Variants in NRXN1 observed in about 807,000 individuals in gnomAD.
The protein encoded by NRXN1 is neurexin 1, also known as neurexin-1.
A neutral mutation model predicts 150.9 loss-of-function variants in NRXN1; 39 were observed. The ratio of observed to expected loss-of-function variants is 0.26; its 90% confidence interval spans 0.20 to 0.34. The LOEUF (loss-of-function observed/expected upper bound fraction) is 0.34. Ranked by LOEUF, NRXN1 falls within the 10% of genes least tolerant of loss-of-function variation. The pLI is 1.00. For missense variants in NRXN1, 1,815 were observed against 1,949.9 expected (o/e 0.93, Z 1.30); for synonymous variants, 924 against 757.0 (o/e 1.22, Z -3.62).
At chr2:50,147,734 T>C (rs749578919) in intron 18 of NRXN1, among the ~76,000 whole-genome samples, 5 of 151,802 alleles carry the variant, frequency 3.3e-5, no homozygotes, top group Admixed American at 6.6e-5. Flanking sequence ...GGCTTAACCA[T>C]AGTTAAAACA....
chr2:50,254,016 A>G (rs1350734253), intron 17 of NRXN1, among the ~76,000 whole-genome samples: 2 of 151,926 alleles, frequency 1.3e-5, no homozygotes, highest in African/African-American at 4.8e-5. Context: ...TATCTCTAGG[A>G]GAATTCAGCT....
chr2:50,037,663 G>C (rs1325496061), intron 21 of NRXN1, among the ~76,000 whole-genome samples: 4 of 152,152 alleles, frequency 2.6e-5, no homozygotes, highest in Non-Finnish European at 5.9e-5. Flanking sequence ...TAATGCAAAA[G>C]AACTCAGCTC....
intron 8 of NRXN1, among the ~76,000 whole-genome samples, chr2:50,561,293 A>T (rs555744481): frequency 1.6e-4 from 24 of 152,356 alleles, no homozygotes; most frequent in African/African-American, 5.5e-4. Context: ...CCTGAGTTTC[A>T]TTAAATAGTT....
At chr2:50,936,903 A>G (rs1688639632) in intron 2 of NRXN1, among the ~76,000 whole-genome samples, 1 of 152,144 alleles carries the variant, frequency 6.6e-6, no homozygotes, top group South Asian at 2.1e-4. Context: ...AGGAACAAAA[A>G]ATACACTAAG....
chr2:50,391,599 T>C (rs1287588011), intron 17 of NRXN1, among the ~76,000 whole-genome samples: 3 of 152,158 alleles, frequency 2.0e-5, no homozygotes, highest in Non-Finnish European at 4.4e-5. Flanking sequence ...TGTTGGTTTT[T>C]GTCACAATGC....
At chr2:50,219,968 T>TATATAATATATATATTATATATTATA (rs1559115820) in intron 18 of NRXN1, among the ~76,000 whole-genome samples, 13 of 52,994 alleles carry the variant, frequency 2.5e-4, no homozygotes, top group African/African-American at 2.0e-3. Flanking sequence ...ATATATTATA[T>TATATAATATATATATTATATATTATA]ATATATAATA....
At chr2:50,660,389 G>A (rs929986291) in intron 5 of NRXN1, among the ~76,000 whole-genome samples, 25 of 151,916 alleles carry the variant, frequency 1.6e-4, no homozygotes, top group African/African-American at 4.6e-4. Context: ...TAACTAGAAG[G>A]AACATTAATT....
chr2:50,285,175 G>A (rs1369455024), intron 17 of NRXN1, among the ~76,000 whole-genome samples: 1 of 152,152 alleles, frequency 6.6e-6, no homozygotes, highest in Non-Finnish European at 1.5e-5. Flanking sequence ...AACAAACATG[G>A]TGTGCCCACT....
At chr2:50,516,368 T>C (rs1017848878) in intron 12 of NRXN1, among the ~76,000 whole-genome samples, 1 of 152,182 alleles carries the variant, frequency 6.6e-6, no homozygotes, top group Non-Finnish European at 1.5e-5. Context: ...TTTAGGAGTA[T>C]AAGTTTTGTG....
At chr2:50,545,966 A>C (rs1374066902) in intron 9 of NRXN1, among the ~76,000 whole-genome samples, 2 of 152,208 alleles carry the variant, frequency 1.3e-5, no homozygotes, top group African/African-American at 4.8e-5. Flanking sequence ...AAACAATGAC[A>C]AGAAAAAATG....
intron 5 of NRXN1, among the ~76,000 whole-genome samples, chr2:50,729,873 T>A (rs1697872147): frequency 1.3e-5 from 2 of 152,206 alleles, no homozygotes; most frequent in Non-Finnish European, 2.9e-5. Flanking sequence ...TCTCTGAGGC[T>A]GTGGATCCCT....
intron 21 of NRXN1, among the ~76,000 whole-genome samples, chr2:50,051,688 TAA>T (rs1463350267): frequency 6.6e-6 from 1 of 152,108 alleles, no homozygotes; most frequent in East Asian, 1.9e-4. Flanking sequence ...GGCAACCTTA[TAA>T]ATCCTAACGA....
In NRXN1 at chr2:49,981,961, C is replaced by T. The variant is rs144991196; in HGVS notation, c.4129-38170G>A. The stretch of plus-strand genomic sequence containing the variant: ...CCCTGATCTAAGGAATTATAATTTC[C>T]AGGGATGAGAGTGAAAATCTATATG... On this transcript the variant is annotated intron_variant, in intron 21 of 22. Coordinates refer to ENST00000401669, the MANE Select transcript of NRXN1 (RefSeq NM_001330078.2). Among the ~76,000 whole-genome samples the T allele has an allele frequency of 6.6e-5, 10 of 152,090 alleles. No individual in the cohort carries two copies. In the East Asian group the frequency reaches 1.9e-3, roughly 29 times the overall value.
chr2:50,515,202 T>C (rs1271288364), intron 12 of NRXN1, among the ~76,000 whole-genome samples: 2 of 152,194 alleles, frequency 1.3e-5, no homozygotes, highest in Non-Finnish European at 1.5e-5. Flanking sequence ...GCAAGGGATC[T>C]AGGTTTCATG....
At chr2:50,408,761 G>A (rs2082930710) in intron 17 of NRXN1, among the ~76,000 whole-genome samples, 1 of 151,674 alleles carries the variant, frequency 6.6e-6, no homozygotes, top group Non-Finnish European at 1.5e-5. Flanking sequence ...TGCCACAGCT[G>A]AAGAGTAGAA....
intron 12 of NRXN1, among the ~76,000 whole-genome samples, chr2:50,518,912 GA>G (rs5831129): frequency 4.5e-4 from 68 of 151,666 alleles, no homozygotes; most frequent in South Asian, 1.2e-3. Context: ...GCATATTAGA[GA>G]AAAAAACCCT....
At chr2:50,706,291 G>A (rs1694428093) in intron 5 of NRXN1, among the ~76,000 whole-genome samples, 1 of 152,078 alleles carries the variant, frequency 6.6e-6, no homozygotes, top group South Asian at 2.1e-4. Context: ...ATACCTGCTG[G>A]GTTATATAGT....
At chr2:50,785,633 G>A (rs1201261244) in intron 5 of NRXN1, among the ~76,000 whole-genome samples, 1 of 152,088 alleles carries the variant, frequency 6.6e-6, no homozygotes, top group Non-Finnish European at 1.5e-5. Context: ...TTTGTTGATA[G>A]AAGTAAACCC....
intron 8 of NRXN1, among the ~76,000 whole-genome samples, chr2:50,599,189 A>C (rs986316888): frequency 1.3e-5 from 2 of 152,166 alleles, no homozygotes; most frequent in African/African-American, 4.8e-5. Context: ...GGACTGAGAA[A>C]ATGACTTATT....
Sources: gnomAD v4.1 joint callset for allele counts (sites outside exome capture counted in the v4.1 genomes callset) on GRCh38, gnomAD v4.1.1 for gene constraint, MANE v1.5 for transcripts, NCBI Gene and HGNC (gene_info 2026-07-23, HGNC 2026-07-21) for gene names.